SREK1: variants seen among roughly 807,000 people sequenced by gnomAD.
The protein encoded by SREK1 is splicing regulatory glutamic acid and lysine rich protein 1.
Under a neutral mutation model 66.5 loss-of-function variants are expected in SREK1, and 13 were observed. That is an observed-to-expected ratio of 0.20 (90% CI 0.13 to 0.31). The LOEUF (loss-of-function observed/expected upper bound fraction) is 0.31, where lower values mean the gene tolerates loss of function less well. SREK1 is among the 10% of genes least tolerant of loss of function. The pLI is 1.00. For missense variants in SREK1, 607 were observed against 769.6 expected (o/e 0.79, Z 2.50); for synonymous variants, 265 against 263.5 (o/e 1.01, Z -0.05).
At chr5:66,164,029 A>C in intron 6 of SREK1, 107 bp downstream of exon 6, 1 of 1,338,206 alleles carries the variant, frequency 7.5e-7, no homozygotes, top group Non-Finnish European at 1.0e-6. Context: ...TTTTACAAAC[A>C]AGAAGACTGA....
rs991770565 is a variant in SREK1, at chr5:66,182,183, T to G, written c.*3315T>G. 7.9e-5 allele frequency: 12 copies of G among 152,152 alleles called. No individual in the cohort carries two copies. In the South Asian group the frequency reaches 1.7e-3, roughly 21 times the overall value. The allele number at this position is 152,152 out of a possible 1,614,324, so 9.4% of individuals were successfully genotyped here. ...GGGATGGCATTGAATAACTTATAAT[T>G]TCAGTGAATCATTTACGTTTTCATT... On this transcript the variant is annotated 3_prime_UTR_variant, in exon 12 of 12. Coordinates refer to ENST00000334121, the MANE Select transcript of SREK1 (RefSeq NM_001077199.3).
intron 7 of SREK1, chr5:66,166,304 T>C (rs1000317316): frequency 2.6e-5 from 4 of 152,162 alleles, no homozygotes; most frequent in Admixed American, 2.6e-4. Context: ...TTGTGTTGAT[T>C]GTAAGAGAGA....
Position 66,179,001 on chromosome 5 carries a change from A to G in SREK1, c.*133A>G. On this transcript the variant is annotated 3_prime_UTR_variant, in exon 12 of 12. Coordinates refer to ENST00000334121, the MANE Select transcript of SREK1 (RefSeq NM_001077199.3). ...ATCTAACAGCTTTTCCAGTTGTTAG[A>G]TGACTTTGTGGCCATCTTGTTATTG... The G allele has an allele frequency of 9.6e-7, 1 of 1,042,930 alleles. No homozygotes were observed. The highest frequency in any genetic ancestry group is 1.3e-6 in the Non-Finnish European group (1 of 773,330). The allele number at this position is 1,042,930 out of a possible 1,614,324, so 64.6% of individuals were successfully genotyped here.
intron 10 of SREK1, among the ~76,000 whole-genome samples, chr5:66,176,803 A>T (rs79730139): frequency 0.073 from 11,131 of 152,052 alleles, 516 homozygotes; most frequent in Non-Finnish European, 0.11. Flanking sequence ...TGTACATAGG[A>T]AAGTTATTGA....
intron 10 of SREK1, among the ~76,000 whole-genome samples, chr5:66,176,336 G>T (rs543183503): frequency 6.6e-6 from 1 of 152,032 alleles, no homozygotes; most frequent in Non-Finnish European, 1.5e-5. Context: ...AGATTATACC[G>T]TATTTTTAAG....
At position 66,181,489 on chromosome 5, in the gene SREK1, C is replaced by T. The variant is rs1298577738; in HGVS notation, c.*2621C>T. ...CTTGAGGTAAGGCCAAGAAGACAGA[C>T]ATTTTATGCTTCATACTTTCTGTAA... On this transcript the variant is annotated 3_prime_UTR_variant, in exon 12 of 12. Transcript: ENST00000334121. The T allele has an allele frequency of 6.6e-6, 1 of 152,136 alleles. No individual in the cohort carries two copies. Among genetic ancestry groups the T allele is most frequent in the Non-Finnish European group, 1.5e-5 (1 of 68,024 alleles). 9.4% of individuals were successfully genotyped at this position (152,136 alleles called of 1,614,324 possible).
At chr5:66,172,824 A>ATTTTTTT (rs762670649) in intron 9 of SREK1, among the ~76,000 whole-genome samples, 3 of 118,226 alleles carry the variant, frequency 2.5e-5, no homozygotes, top group African/African-American at 3.6e-5. Flanking sequence ...ATTTCTTTGA[A>ATTTTTTT]TTTTTTTTTT....
At position 66,145,900 on chromosome 5, in the gene SREK1, A is replaced by G. The variant is rs372462403; in HGVS notation, c.161+1363A>G. Among the ~76,000 whole-genome samples the G allele has an allele frequency of 6.0e-5, 9 of 151,234 alleles. No individual in the cohort carries two copies. In the East Asian group the frequency reaches 1.4e-3, roughly 23 times the overall value. On this transcript the variant is annotated intron_variant, in intron 1 of 11. Coordinates refer to ENST00000334121, the MANE Select transcript of SREK1 (RefSeq NM_001077199.3). ...TAAAGATTCTAAAGTCGTGACATTG[A>G]TATTTTGTTTTGTAGTTCATTTTGT...
rs758843834 is a variant in SREK1 at position 66,181,692 on chromosome 5, A to C, written c.*2824A>C. 2.0e-5 allele frequency: 3 copies of C among 152,098 alleles called. No homozygotes were observed. Among genetic ancestry groups the C allele is most frequent in the Admixed American group, 6.6e-5 (1 of 15,254 alleles). The allele number at this position is 152,098 out of a possible 1,614,324, so 9.4% of individuals were successfully genotyped here. On this transcript the variant is annotated 3_prime_UTR_variant, in exon 12 of 12. Coordinates refer to ENST00000334121, the MANE Select transcript of SREK1 (RefSeq NM_001077199.3). ...TTTGTGTCAAAACTTTTAAATCCTG[A>C]AGTTCTGCAGTTATCATCTTAGTTA...
chr5:66,144,980 T>C (rs778446793), intron 1 of SREK1: 68 of 987,412 alleles, frequency 6.9e-5, no homozygotes, highest in Non-Finnish European at 8.2e-5. Flanking sequence ...GTCAGGCCGT[T>C]TTGCTGACGA....
chr5:66,171,119 A>G (rs1434185191), intron 9 of SREK1, among the ~76,000 whole-genome samples, 172 bp downstream of exon 9: 2 of 152,168 alleles, frequency 1.3e-5, no homozygotes, highest in Non-Finnish European at 2.9e-5. Context: ...GGGGAAAGAG[A>G]TGATACTGGG....
intron 8 of SREK1, 94 bp downstream of exon 8, chr5:66,170,264 T>C: frequency 6.9e-7 from 1 of 1,440,182 alleles, no homozygotes; most frequent in Non-Finnish European, 9.3e-7. Context: ...TTGTTAAAAA[T>C]CTGTTGTGGT....
Position 66,159,198 on chromosome 5 carries a change from G to A in SREK1, c.296-21G>A, listed in dbSNP as rs772782327. The A allele has an allele frequency of 3.7e-6, 6 of 1,601,528 alleles. No individual in the cohort carries two copies. The African/African-American group carries it at 8.1e-5, about 22-fold the overall frequency. On this transcript the variant is annotated intron_variant, in intron 2 of 11. Transcript: ENST00000334121. ...GTGTGGTGTTTCTGCTTTTTGTAATGTTTGGAACTTGCCTCTGCAGGTAAA... is the reference window on the plus strand; with the variant it reads ...GTGTGGTGTTTCTGCTTTTTGTAATATTTGGAACTTGCCTCTGCAGGTAAA...
At chr5:66,164,351 CA>C in intron 6 of SREK1, 1 of 320,238 alleles carries the variant, frequency 3.1e-6, no homozygotes, top group South Asian at 2.7e-5. Context: ...GGTAAAAGAA[CA>C]TCTATTTAAA....
At chr5:66,167,015 G>A (rs1360722545) in intron 7 of SREK1, 3 of 152,144 alleles carry the variant, frequency 2.0e-5, no homozygotes, top group East Asian at 1.9e-4. Flanking sequence ...CTCTGCTAGT[G>A]GGAGTTGTTG....
intron 10 of SREK1, among the ~76,000 whole-genome samples, chr5:66,176,539 T>C (rs954443718): frequency 6.6e-6 from 1 of 152,136 alleles, no homozygotes; most frequent in Non-Finnish European, 1.5e-5. Context: ...ACAGGTTTAT[T>C]AATAAAGATT....
chr5:66,173,812 G>A (rs528935938), intron 9 of SREK1, among the ~76,000 whole-genome samples: 1 of 152,320 alleles, frequency 6.6e-6, no homozygotes, highest in South Asian at 2.1e-4. Flanking sequence ...TTAAGAGAAT[G>A]TCATTGATGT....
At chr5:66,161,110 T>C (rs1290190146) in intron 3 of SREK1, among the ~76,000 whole-genome samples, 1 of 152,178 alleles carries the variant, frequency 6.6e-6, no homozygotes, top group Non-Finnish European at 1.5e-5. Context: ...AGCATGATAA[T>C]AATAACCCAT....
chr5:66,172,909 C>T (rs528497368), intron 9 of SREK1, among the ~76,000 whole-genome samples: 18 of 147,564 alleles, frequency 1.2e-4, no homozygotes, highest in African/African-American at 4.6e-4. Flanking sequence ...CTGCTCACTG[C>T]AACCTCTGCC....
Sources: gnomAD v4.1 joint callset for allele counts (sites outside exome capture counted in the v4.1 genomes callset) on GRCh38, gnomAD v4.1.1 for gene constraint, MANE v1.5 for transcripts, NCBI Gene and HGNC (gene_info 2026-07-23, HGNC 2026-07-21) for gene names.